LMO7: variants seen among roughly 807,000 people sequenced by gnomAD.
LMO7 encodes LIM domain only protein 7.
In LMO7, 120 loss-of-function variants were observed where a neutral mutation model predicts 206.5. The ratio of observed to expected loss-of-function variants is 0.58; its 90% CI spans 0.50 to 0.68. The LOEUF is 0.68. Among genes scored for constraint, LMO7 ranks in the 30% least tolerant of loss-of-function variants. The probability of loss-of-function intolerance (pLI) is 0.00; values close to 1 mark genes in which losing one functional copy is unlikely to be tolerated. For synonymous variants in LMO7, 706 were observed against 681.5 expected (o/e 1.04, Z -0.56); for missense variants, 1,959 against 1,957.9 (o/e 1.00, Z -0.01).
At chr13:75,787,564 G>T (rs953841235) in intron 4 of LMO7, among the ~76,000 whole-genome samples, 5 of 152,252 alleles carry the variant, frequency 3.3e-5, no homozygotes, top group Admixed American at 1.3e-4. Flanking sequence ...CTAGGGCAAA[G>T]TGTTGAATTT....
At chr13:75,701,465 A>G (rs1364059590) in intron 1 of LMO7, among the ~76,000 whole-genome samples, 1 of 152,168 alleles carries the variant, frequency 6.6e-6, no homozygotes, top group Non-Finnish European at 1.5e-5. Context: ...CAGGGAGGTA[A>G]GTAGGTAATT....
intron 1 of LMO7, among the ~76,000 whole-genome samples, chr13:75,679,298 A>C (rs183559818): frequency 7.4e-4 from 112 of 152,314 alleles, no homozygotes; most frequent in South Asian, 3.3e-3. Context: ...GATGACCCCA[A>C]AACTGCCATG....
At chr13:75,681,726 A>ATATATATATATATATATG (rs2040525989) in intron 1 of LMO7, among the ~76,000 whole-genome samples, 1 of 102,768 alleles carries the variant, frequency 9.7e-6, no homozygotes, top group Non-Finnish European at 2.2e-5. Context: ...ATGTATATAT[A>ATATATATATATATATATG]TATATATATA....
chr13:75,733,676 C>T (rs937448154), intron 3 of LMO7, among the ~76,000 whole-genome samples: 29 of 152,164 alleles, frequency 1.9e-4, no homozygotes, highest in African/African-American at 6.0e-4. Context: ...GAGATGAACA[C>T]GGTACTGCAG....
intron 1 of LMO7, among the ~76,000 whole-genome samples, chr13:75,707,691 A>G (rs1417956737): frequency 2.0e-5 from 3 of 152,144 alleles, no homozygotes; most frequent in Non-Finnish European, 4.4e-5. Context: ...CCAGATTGCC[A>G]CGTCTTCAAA....
chr13:75,657,343 A>G (rs1174943382), intron 1 of LMO7, among the ~76,000 whole-genome samples: 1 of 152,188 alleles, frequency 6.6e-6, no homozygotes, highest in African/African-American at 2.4e-5. Context: ...ACCAGCAAAC[A>G]CTCATCATCA....
intron 1 of LMO7, among the ~76,000 whole-genome samples, chr13:75,679,972 G>A (rs2040336172): frequency 6.6e-6 from 1 of 152,072 alleles, no homozygotes; most frequent in African/African-American, 2.4e-5. Context: ...ATAGGTAAAC[G>A]TGTGCCATGG....
intron 3 of LMO7, among the ~76,000 whole-genome samples, chr13:75,758,070 T>G (rs2139616967): frequency 6.6e-6 from 1 of 152,098 alleles, no homozygotes; most frequent in South Asian, 2.1e-4. Flanking sequence ...ATGAGGAAAA[T>G]GGGGCCAGAA....
rs1486836176 is a variant in LMO7 at position 75,834,278 on chromosome 13, T to C, written c.3117T>C (p.Ile1039=). The C allele has an allele frequency of 5.6e-6, 9 of 1,611,146 alleles. No individual in the cohort carries two copies. The South Asian group carries it at 8.8e-5, about 16-fold the overall frequency. ...AAGTAGATGATGAAATTATTGCTAT[T>C]AACAACACCAAGTTTTCATATAACG... ...QLQVDDEIIA[I]NNTKFSYNDS... Residue 1039 remains isoleucine (I), a synonymous_variant, in exon 17 of 31, where the codon ATT becomes ATC. Transcript: ENST00000377534.
intron 1 of LMO7, among the ~76,000 whole-genome samples, chr13:75,645,794 T>C (rs2036956306): frequency 6.6e-6 from 1 of 152,232 alleles, no homozygotes; most frequent in Non-Finnish European, 1.5e-5. Flanking sequence ...ACTTGGTGTT[T>C]CTAATTTTTC....
intron 1 of LMO7, among the ~76,000 whole-genome samples, chr13:75,691,426 A>G (rs1023345598): frequency 6.6e-6 from 1 of 152,184 alleles, no homozygotes; most frequent in Admixed American, 6.5e-5. Flanking sequence ...GTGTCACAGT[A>G]AACAACTTGG....
At chr13:75,673,753 T>G (rs1297783263) in intron 1 of LMO7, among the ~76,000 whole-genome samples, 4 of 152,258 alleles carry the variant, frequency 2.6e-5, no homozygotes, top group African/African-American at 9.6e-5. Context: ...AAGTATTTTT[T>G]TCTGATTATG....
Position 75,776,199 on chromosome 13 carries a change from ATATAT to A in LMO7, c.317+15162_317+15166del, listed in dbSNP as rs1566434238. On this transcript the variant is annotated intron_variant, in intron 4 of 30. Coordinates refer to ENST00000377534, the MANE Select transcript of LMO7 (RefSeq NM_001306080.2). ...TATATATATATATATATATATATAT[ATATAT>A]AACGTTAAGTCGTAGTAAGTGATTG... Among the ~76,000 whole-genome samples the A allele has an allele frequency of 2.5e-3, 273 of 107,864 alleles. 6 individuals are homozygous for A. The highest frequency in any genetic ancestry group is 4.3e-3 in the Non-Finnish European group (226 of 52,306). 70.8% of individuals were successfully genotyped at this position (107,864 alleles called of 152,430 possible).
At chr13:75,635,320 G>T (rs1222691856), upstream of LMO7, among the ~76,000 whole-genome samples, 1 of 152,156 alleles carries the variant, frequency 6.6e-6, no homozygotes, top group Non-Finnish European at 1.5e-5. Context: ...TGCCTCAGGA[G>T]CGTGGAGTGA....
chr13:75,733,967 T>C lies in LMO7; in HGVS notation c.210+6869T>C, dbSNP rs142051245. Reference sequence around the variant, plus strand: ...ACTGCGAGATGTGCACCAGTTGTTATGTTTCTGCCACATGATGCTTGTGCA... The same window carrying C: ...ACTGCGAGATGTGCACCAGTTGTTACGTTTCTGCCACATGATGCTTGTGCA... On this transcript the variant is annotated intron_variant, in intron 3 of 30. Coordinates refer to ENST00000377534, the MANE Select transcript of LMO7 (RefSeq NM_001306080.2). Among the ~76,000 whole-genome samples, 590 of 152,364 alleles carry C rather than the reference T, an allele frequency of 3.9e-3. 7 individuals are homozygous for C. The highest frequency in any genetic ancestry group is 0.014 in the African/African-American group (569 of 41,574).
Position 75,853,121 on chromosome 13 carries a change from C to A in LMO7, c.4394C>A (p.Pro1465His). ...RGESLDNLDS[P>H]RSNSWRQPPW... is the part of the protein sequence containing the mutation. Reference sequence around the variant, plus strand: ...GAATCTTTAGATAACCTGGACTCCCCCCGATCCAATTCTTGGAGACAGCCT... The same window carrying A: ...GAATCTTTAGATAACCTGGACTCCCACCGATCCAATTCTTGGAGACAGCCT... The change falls in exon 28 of 31, where the codon CCC (proline) becomes CAC (histidine). Residue 1465 changes from proline (P) to histidine (H), a missense_variant. Coordinates refer to ENST00000377534, the MANE Select transcript of LMO7 (RefSeq NM_001306080.2). The A allele has an allele frequency of 1.2e-6, 2 of 1,611,660 alleles. No individual in the cohort carries two copies. The highest frequency in any genetic ancestry group is 1.7e-6 in the Non-Finnish European group (2 of 1,178,622).
chr13:75,787,121 G>A lies in LMO7; in HGVS notation c.318-8280G>A, dbSNP rs112466146. On this transcript the variant is annotated intron_variant, in intron 4 of 30. Transcript: ENST00000377534. ...CTCCCTCAACACATTTTATATAACC[G>A]AATGTCATAACTCCATTTAATAAAC... is the stretch of plus-strand genomic sequence containing the variant. 8.5e-3 allele frequency among the ~76,000 whole-genome samples: 1,288 copies of A among 152,196 alleles called. 14 individuals carry two copies. Among genetic ancestry groups the A allele is most frequent in the Non-Finnish European group, 0.011 (741 of 68,024 alleles).
chr13:75,787,364 C>A (rs575028604), intron 4 of LMO7, among the ~76,000 whole-genome samples: 1 of 152,286 alleles, frequency 6.6e-6, no homozygotes, highest in Non-Finnish European at 1.5e-5. Context: ...CAGCAGCACT[C>A]CTCTGCTGTG....
intron 4 of LMO7, among the ~76,000 whole-genome samples, chr13:75,766,111 GT>G (rs1473762288): frequency 7.9e-5 from 12 of 152,120 alleles, no homozygotes. Flanking sequence ...CATTTGAAGG[GT>G]TAAACCAAAG....
Sources: gnomAD v4.1 joint callset for allele counts (sites outside exome capture counted in the v4.1 genomes callset) on GRCh38, gnomAD v4.1.1 for gene constraint, MANE v1.5 for transcripts, NCBI Gene and HGNC (gene_info 2026-07-23, HGNC 2026-07-21) for gene names.